The following FRMD5 variants were observed in gnomAD, a reference collection of about 807,000 sequenced individuals.
FRMD5 encodes FERM domain-containing protein 5.
Under a neutral mutation model 69.0 loss-of-function variants are expected in FRMD5, and 20 were observed. The observed-to-expected ratio is 0.29, with a 90% CI of 0.20 to 0.42. The LOEUF is 0.42. Among genes scored for constraint, FRMD5 ranks in the 10% least tolerant of loss-of-function variants. The pLI is 1.00. For missense variants in FRMD5, 595 were observed against 708.6 expected, an observed-to-expected ratio of 0.84 and a Z score of 1.82; for synonymous variants, 271 against 260.1, an observed-to-expected ratio of 1.04 and a Z score of -0.40.
intron 1 of FRMD5, among the ~76,000 whole-genome samples, chr15:44,060,073 C>A (rs1220992938): frequency 6.6e-6 from 1 of 152,156 alleles, no homozygotes; most frequent in Non-Finnish European, 1.5e-5. Flanking sequence ...GTGGAGAGAG[C>A]TGTCAGATAG....
intron 5 of FRMD5, among the ~76,000 whole-genome samples, chr15:43,909,666 G>C (rs567109902): frequency 3.3e-5 from 5 of 152,188 alleles, no homozygotes; most frequent in Admixed American, 3.3e-4. Context: ...TTTTAGTAGA[G>C]ACGGGGTTTC....
At chr15:44,059,105 C>T (rs1595679865) in intron 1 of FRMD5, among the ~76,000 whole-genome samples, 1 of 152,120 alleles carries the variant, frequency 6.6e-6, no homozygotes, top group South Asian at 2.1e-4. Flanking sequence ...GTGTGAAGAA[C>T]CCTCAACTAG....
chr15:44,125,162 C>T (rs1411311538), intron 1 of FRMD5, among the ~76,000 whole-genome samples: 4 of 152,056 alleles, frequency 2.6e-5, no homozygotes, highest in African/African-American at 9.7e-5. Flanking sequence ...ACTAGCTGGG[C>T]ATTGTGGTTC....
chr15:43,890,857 GGGCT>G, intron 8 of FRMD5, among the ~76,000 whole-genome samples: 1 of 152,280 alleles, frequency 6.6e-6, no homozygotes, highest in Middle Eastern at 3.4e-3. Flanking sequence ...AAATCAAGGT[GGGCT>G]GGAAAGGCGG....
At chr15:44,160,909 G>C (rs1179234135) in intron 1 of FRMD5, among the ~76,000 whole-genome samples, 1 of 152,108 alleles carries the variant, frequency 6.6e-6, no homozygotes, top group Non-Finnish European at 1.5e-5. Context: ...TCATAAGAAG[G>C]AAGTAAATTG....
At chr15:44,025,356 T>C (rs185166729) in intron 1 of FRMD5, among the ~76,000 whole-genome samples, 1 of 152,192 alleles carries the variant, frequency 6.6e-6, no homozygotes, top group Non-Finnish European at 1.5e-5. Flanking sequence ...TAAATGGACA[T>C]TAAAGGAAGT....
chr15:43,998,180 A>T (rs1391891866), intron 1 of FRMD5, among the ~76,000 whole-genome samples: 1 of 152,234 alleles, frequency 6.6e-6, no homozygotes. Flanking sequence ...CCTTCTCCAC[A>T]AAATGGGGAT....
intron 1 of FRMD5, among the ~76,000 whole-genome samples, chr15:44,082,193 G>A (rs2140450425): frequency 6.6e-6 from 1 of 152,022 alleles, no homozygotes; most frequent in Admixed American, 6.6e-5. Flanking sequence ...TACGCCACTA[G>A]CTCATATCGG....
intron 1 of FRMD5, 137 bp downstream of exon 1, chr15:44,194,816 T>C (rs1356983872): frequency 5.0e-6 from 4 of 806,068 alleles, no homozygotes; most frequent in Non-Finnish European, 8.2e-6. Flanking sequence ...ACTAGGGCGG[T>C]CCGCCGCAAC....
intron 1 of FRMD5, among the ~76,000 whole-genome samples, chr15:44,179,192 T>C (rs2077954255): frequency 6.6e-6 from 1 of 152,152 alleles, no homozygotes. Flanking sequence ...TAGTAACTAC[T>C]ACTTAAAGGA....
chr15:43,907,731 C>T (rs868237747), intron 5 of FRMD5, among the ~76,000 whole-genome samples: 1 of 152,180 alleles, frequency 6.6e-6, no homozygotes, highest in South Asian at 2.1e-4. Context: ...TGGCTTCGAT[C>T]TCTTGACCTC....
intron 1 of FRMD5, among the ~76,000 whole-genome samples, chr15:44,097,336 A>C (rs1021758603): frequency 5.3e-5 from 8 of 152,344 alleles, no homozygotes; most frequent in Non-Finnish European, 1.0e-4. Context: ...CCTTTAGCAA[A>C]GCCTCACTTT....
In FRMD5 at chr15:43,915,017, G is replaced by A. The variant is rs535165650; in HGVS notation, c.329+4442C>T. Reference sequence around the variant, plus strand: ...GCTGGGATTACAGGCGTGAGCCACTGCGCCCAGCCTGTGACTACCATTTTA... The same window carrying A: ...GCTGGGATTACAGGCGTGAGCCACTACGCCCAGCCTGTGACTACCATTTTA... On this transcript the variant is annotated intron_variant, in intron 4 of 13. Coordinates refer to ENST00000417257, the MANE Select transcript of FRMD5 (RefSeq NM_032892.5). Among the ~76,000 whole-genome samples, 3 of 152,322 alleles carry A rather than the reference G, an allele frequency of 2.0e-5. No individual in the cohort carries two copies. In the South Asian group the frequency reaches 6.2e-4, roughly 32 times the overall value.
intron 1 of FRMD5, among the ~76,000 whole-genome samples, chr15:43,964,948 G>A (rs992465380): frequency 4.6e-5 from 7 of 152,104 alleles, no homozygotes; most frequent in African/African-American, 1.4e-4. Context: ...GTATAATTAG[G>A]GTTGCTGTGA....
At chr15:44,131,854 T>C (rs2077104266) in intron 1 of FRMD5, among the ~76,000 whole-genome samples, 1 of 65,960 alleles carries the variant, frequency 1.5e-5, no homozygotes, top group Admixed American at 1.8e-4. Context: ...CAGGGACTGG[T>C]TTCATGGAAG....
At chr15:44,147,226 C>T (rs1323927215) in intron 1 of FRMD5, among the ~76,000 whole-genome samples, 1 of 152,126 alleles carries the variant, frequency 6.6e-6, no homozygotes, top group Admixed American at 6.5e-5. Context: ...GTTTTCCCAG[C>T]ACCATTTATT....
At chr15:44,128,610 G>A (rs2077055605) in intron 1 of FRMD5, among the ~76,000 whole-genome samples, 2 of 152,296 alleles carry the variant, frequency 1.3e-5, no homozygotes, top group East Asian at 3.9e-4. Flanking sequence ...ATTCATCATT[G>A]AGTAGGTTAG....
At chr15:43,882,629 G>A (rs2140352301) in intron 13 of FRMD5, among the ~76,000 whole-genome samples, 1 of 152,200 alleles carries the variant, frequency 6.6e-6, no homozygotes, top group Non-Finnish European at 1.5e-5. Context: ...AGAGTGCTGG[G>A]ACTACAGGCG....
intron 1 of FRMD5, among the ~76,000 whole-genome samples, chr15:43,961,390 G>T (rs2090197952): frequency 6.6e-6 from 1 of 152,074 alleles, no homozygotes; most frequent in Admixed American, 6.6e-5. Context: ...AATAACAGGA[G>T]CTGAAATTGA....
Sources: allele counts gnomAD v4.1 joint callset (sites outside exome capture counted in the v4.1 genomes callset), GRCh38; gene constraint gnomAD v4.1.1; transcripts MANE v1.5; gene names NCBI Gene and HGNC (gene_info 2026-07-23, HGNC 2026-07-21).